Variants in HDAC4 observed in about 807,000 individuals in gnomAD.
HDAC4 encodes the protein histone deacetylase 4.
HDAC4 carries 16 observed loss-of-function variants against 135.1 expected under a neutral mutation model. The observed-to-expected ratio is 0.12, with a 90% confidence interval of 0.08 to 0.18. The LOEUF is 0.18. Ranked by LOEUF, HDAC4 falls within the 10% of genes least tolerant of loss-of-function variation. HDAC4 has a pLI of 1.00. For missense variants in HDAC4, 1,143 were observed against 1,511.8 expected, an observed-to-expected ratio of 0.76 and a Z score of 4.05; for synonymous variants, 685 against 653.4, an observed-to-expected ratio of 1.05 and a Z score of -0.74.
rs1339118101 is a variant in HDAC4 at position 239,303,311 on chromosome 2, C to A, written c.22+49367G>T. 6.6e-6 allele frequency among the ~76,000 whole-genome samples: 1 copy of A among 152,254 alleles called. No homozygotes were observed. The highest frequency in any genetic ancestry group is 1.5e-5 in the Non-Finnish European group (1 of 68,050). ...AAGTTTCGCTTCCTTTTTATCTACG[C>A]TCCCGGATTGACTTGTCCTCCTCTG... On this transcript the variant is annotated intron_variant, in intron 2 of 26. Transcript: ENST00000543185. This position sits in a 1 kb window ranked among gnomAD's most constrained non-coding sequence, Gnocchi z 5.1.
At chr2:239,393,209 T>C (rs1696345572) in intron 1 of HDAC4, among the ~76,000 whole-genome samples, 1 of 152,174 alleles carries the variant, frequency 6.6e-6, no homozygotes, top group East Asian at 1.9e-4. Flanking sequence ...CCACCAAGCA[T>C]GTGCCCCAAG....
At chr2:239,320,842 A>G (rs1017853810) in intron 2 of HDAC4, among the ~76,000 whole-genome samples, 5 of 152,246 alleles carry the variant, frequency 3.3e-5, no homozygotes, top group Non-Finnish European at 7.3e-5. Context: ...TTGCTTTCAA[A>G]TGATCCCCAA....
intron 1 of HDAC4, among the ~76,000 whole-genome samples, chr2:239,390,966 CTCAGGGCAGCTCCCTCTCCCAGCACACT>C (rs1696158820): frequency 6.6e-6 from 1 of 152,242 alleles, no homozygotes; most frequent in Admixed American, 6.5e-5. Context: ...CAGCCACAGT[CTCAGGGCAGCTCCCTCTCCCAGCACACT>C]GGGAAGCATG....
chr2:239,185,972 T>G (rs1450154731), intron 4 of HDAC4, among the ~76,000 whole-genome samples: 2 of 152,014 alleles, frequency 1.3e-5, no homozygotes, highest in East Asian at 3.9e-4. Context: ...AGGCGAAGAT[T>G]GAAGTGAACT....
chr2:239,261,557 C>T (rs558805666), intron 2 of HDAC4, among the ~76,000 whole-genome samples: 1 of 152,184 alleles, frequency 6.6e-6, no homozygotes, highest in Non-Finnish European at 1.5e-5. Flanking sequence ...TCTTACTAGC[C>T]TGCCAGCCAG....
chr2:239,231,080 A>G (rs1183675845), intron 3 of HDAC4, among the ~76,000 whole-genome samples: 1 of 152,190 alleles, frequency 6.6e-6, no homozygotes, highest in African/African-American at 2.4e-5. Context: ...GAGTTTCTCT[A>G]CAGTTTCTAG....
At chr2:239,212,680 G>A (rs1575422820) in intron 3 of HDAC4, among the ~76,000 whole-genome samples, 1 of 152,200 alleles carries the variant, frequency 6.6e-6, no homozygotes, top group African/African-American at 2.4e-5. Flanking sequence ...GTAAACAGGG[G>A]CAGTGAGAGC....
In HDAC4 at chr2:239,207,135, C is replaced by CA. The variant is rs59023121; in HGVS notation, c.95-17059dup. On this transcript the variant is annotated intron_variant, in intron 3 of 26. Transcript: ENST00000543185. Reference sequence around the variant, plus strand: ...TTCTCTACAATAGAAAGTTCAATTTCAAAAAAAAAAAAATTTCTAAATATC... The same window carrying CA: ...TTCTCTACAATAGAAAGTTCAATTTCAAAAAAAAAAAAAATTTCTAAATATC... Among the ~76,000 whole-genome samples the CA allele has an allele frequency of 4.4e-3, 521 of 118,704 alleles. 3 individuals carry two copies. Among genetic ancestry groups the CA allele is most frequent in the South Asian group, 0.014 (52 of 3,760 alleles). The allele number at this position is 118,704 out of a possible 152,430, so 77.9% of individuals were successfully genotyped here.
At chr2:239,219,208 T>G (rs1160771354) in intron 3 of HDAC4, among the ~76,000 whole-genome samples, 3 of 151,044 alleles carry the variant, frequency 2.0e-5, no homozygotes, top group Non-Finnish European at 4.4e-5. Flanking sequence ...AGCAAAGACT[T>G]GGAACCAACC....
At chr2:239,106,201 C>T (rs934472586) in intron 15 of HDAC4, among the ~76,000 whole-genome samples, 1 of 152,152 alleles carries the variant, frequency 6.6e-6, no homozygotes, top group East Asian at 1.9e-4. Flanking sequence ...GAGCTGAGGG[C>T]GGGCGGAGGA....
At position 239,244,994 on chromosome 2, in the gene HDAC4, A is replaced by G. The variant is rs1235833500; in HGVS notation, c.23-8330T>C. On this transcript the variant is annotated intron_variant, in intron 2 of 26. Transcript: ENST00000543185. ...GGTTACTGAAAATTACCAAAGTTCCATAACAGTGCTTGCATCTGCCCATTA... is the reference window on the plus strand; with the variant it reads ...GGTTACTGAAAATTACCAAAGTTCCGTAACAGTGCTTGCATCTGCCCATTA... 3.9e-5 allele frequency among the ~76,000 whole-genome samples: 6 copies of G among 152,250 alleles called. No homozygotes were observed. The East Asian group carries it at 9.6e-4, about 24-fold the overall frequency.
chr2:239,176,024 T>G (rs1159266125), intron 5 of HDAC4, among the ~76,000 whole-genome samples: 2 of 152,084 alleles, frequency 1.3e-5, no homozygotes, highest in Non-Finnish European at 2.9e-5. Flanking sequence ...GCCTGCTTCT[T>G]AGAAACCCAG....
At chr2:239,293,853 G>A (rs1034562317) in intron 2 of HDAC4, among the ~76,000 whole-genome samples, 2 of 152,232 alleles carry the variant, frequency 1.3e-5, no homozygotes, top group African/African-American at 2.4e-5. Context: ...CGGCGAGAAC[G>A]CCAGCCTCCT....
Position 239,126,573 on chromosome 2 carries a change from C to A in HDAC4, c.1416G>T (p.Ser472=). 6.2e-7 allele frequency: 1 copy of A among 1,613,792 alleles called. No individual in the cohort carries two copies. Among genetic ancestry groups the A allele is most frequent in the Non-Finnish European group, 8.5e-7 (1 of 1,179,970 alleles). The change falls in exon 12 of 27, where the codon TCG becomes TCT. Residue 472 remains serine (S), a synonymous_variant. Transcript: ENST00000543185. ...RQHRPLGRTQ[S]APLPQNAQAL... ...CCTGGGCGTTCTGGGGCAGCGGGGCCGACTGGGTCCGCCCCAGTGGGCGGT... is the reference window on the plus strand; with the variant it reads ...CCTGGGCGTTCTGGGGCAGCGGGGCAGACTGGGTCCGCCCCAGTGGGCGGT...
At chr2:239,107,795 A>T (rs7581656) in intron 15 of HDAC4, among the ~76,000 whole-genome samples, 2 of 151,778 alleles carry the variant, frequency 1.3e-5, no homozygotes, top group Admixed American at 6.5e-5. Flanking sequence ...GGAGCGAAAC[A>T]TCAGGAAAGG....
intron 2 of HDAC4, chr2:239,298,290 G>A: frequency 8.0e-7 from 1 of 1,256,986 alleles, no homozygotes; most frequent in Non-Finnish European, 1.0e-6. Flanking sequence ...GACAAGCGGT[G>A]GCTTCCAGAA....
In HDAC4 at chr2:239,108,084, C is replaced by T. The variant is rs1407721718; in HGVS notation, c.2078G>A (p.Arg693His). 6.2e-7 allele frequency: 1 copy of T among 1,610,880 alleles called. No individual in the cohort carries two copies. The highest frequency in any genetic ancestry group is 1.1e-5 in the South Asian group (1 of 90,966). ...GCCCCGGAGGCCCGTCTCCTGCAGG[C>T]GGGACCAGATGCTCTGGATCCTCCC... Reference protein sequence around the residue: ...HAGRIQSIWSRLQETGLRGKC... With the variant: ...HAGRIQSIWSHLQETGLRGKC... The change falls in exon 15 of 27, where the codon CGC (arginine) becomes CAC (histidine). Residue 693 changes from arginine (R) to histidine (H), a missense_variant. Arg to His is a conservative substitution (Grantham distance 29, BLOSUM62 0). This residue lies in a region of HDAC4 where 47 missense variants were observed against 117.2 expected (regional missense o/e 0.40). Coordinates refer to ENST00000543185, the MANE Select transcript of HDAC4 (RefSeq NM_001378414.1).
chr2:239,358,833 T>C (rs1432410854), intron 1 of HDAC4, among the ~76,000 whole-genome samples: 2 of 152,200 alleles, frequency 1.3e-5, no homozygotes, highest in Non-Finnish European at 1.5e-5. Flanking sequence ...ATCGCTAACC[T>C]CTACACATGA....
In HDAC4 at chr2:239,082,553, G is replaced by A. The variant is rs72996170; in HGVS notation, c.2533-332C>T. Among the ~76,000 whole-genome samples the A allele has an allele frequency of 0.014, 2,124 of 152,350 alleles. 30 individuals are homozygous for A. The highest frequency in any genetic ancestry group is 0.037 in the South Asian group (177 of 4,830). ...TAGAGGCCACCATTTCCCAGACGAA[G>A]CCATCTGATCAATTTCCTACACCTG... On this transcript the variant is annotated intron_variant, in intron 20 of 26. Coordinates refer to ENST00000543185, the MANE Select transcript of HDAC4 (RefSeq NM_001378414.1).
Sources: gnomAD v4.1 joint callset for allele counts (sites outside exome capture counted in the v4.1 genomes callset) on GRCh38, gnomAD v4.1.1 for gene constraint, gnomAD v4.1.1 regional missense constraint, Gnocchi (gnomAD v3.1) non-coding constraint, MANE v1.5 for transcripts, NCBI Gene and HGNC (gene_info 2026-07-23, HGNC 2026-07-21) for gene names.